SLC8A1: variants seen among roughly 807,000 people sequenced by gnomAD.
SLC8A1 encodes sodium/calcium exchanger 1.
SLC8A1 carries 18 observed loss-of-function variants against 68.3 expected under a neutral mutation model. That is an observed-to-expected ratio of 0.26 (90% CI 0.18 to 0.39). The LOEUF (loss-of-function observed/expected upper bound fraction) is 0.39, where lower values mean the gene tolerates loss of function less well. SLC8A1 is among the 10% of genes least tolerant of loss of function. SLC8A1 has a pLI of 1.00. For missense variants in SLC8A1, 985 were observed against 1,156.7 expected (o/e 0.85, Z 2.15); for synonymous variants, 475 against 415.5 (o/e 1.14, Z -1.74).
At chr2:40,313,867 T>C (rs2074076201) in intron 2 of SLC8A1, among the ~76,000 whole-genome samples, 1 of 152,120 alleles carries the variant, frequency 6.6e-6, no homozygotes, top group Non-Finnish European at 1.5e-5. Flanking sequence ...ATTTGACCAA[T>C]TTTTTGCTGT....
At chr2:40,339,720 A>C (rs1667097721) in intron 2 of SLC8A1, among the ~76,000 whole-genome samples, 1 of 152,198 alleles carries the variant, frequency 6.6e-6, no homozygotes, top group African/African-American at 2.4e-5. Flanking sequence ...TTACTGATGA[A>C]TTGAGGTAAG....
chr2:40,287,582 A>ATGTGTGTGTGTGTG (rs10522914), intron 2 of SLC8A1, among the ~76,000 whole-genome samples: 1,982 of 127,490 alleles, frequency 0.016, 93 homozygotes, highest in African/African-American at 0.045. Context: ...CAGAGGAATG[A>ATGTGTGTGTGTGTG]TGTGTGTGTG....
At chr2:40,115,654 A>G (rs562162811) in intron 7 of SLC8A1, 25 bp from the exon 11 acceptor site, 3 of 1,588,738 alleles carry the variant, frequency 1.9e-6, no homozygotes, top group East Asian at 2.2e-5. Flanking sequence ...GAGAAAGTCA[A>G]TGACACTCAA....
At chr2:40,223,305 G>A (rs1185807093) in intron 2 of SLC8A1, among the ~76,000 whole-genome samples, 1 of 152,120 alleles carries the variant, frequency 6.6e-6, no homozygotes. Flanking sequence ...TCATAAGTGG[G>A]AGTTGAACAA....
At chr2:40,188,585 T>C (rs410031) in intron 2 of SLC8A1, among the ~76,000 whole-genome samples, 38,804 of 152,146 alleles carry the variant, frequency 0.26, 5,212 homozygotes, top group African/African-American at 0.31. Flanking sequence ...TCTTTCTTCC[T>C]ATGTTACGTT....
chr2:40,174,808 A>C lies in SLC8A1; in HGVS notation c.1930+17T>G. 1 of 1,609,142 alleles carries C rather than the reference A, an allele frequency of 6.2e-7. No individual in the cohort carries two copies. Among genetic ancestry groups the C allele is most frequent in the Non-Finnish European group, 8.5e-7 (1 of 1,175,928 alleles). ...GACAGTAAAAGTTAGATAGCATTAG[A>C]CTTGAAAAATTCATACCTGTTATTG... is the stretch of plus-strand genomic sequence containing the variant. On this transcript the variant is annotated intron_variant, in intron 4 of 7. Coordinates refer to ENST00000406785, the Ensembl canonical transcript of SLC8A1.
chr2:40,186,083 G>T (rs1353685248), intron 2 of SLC8A1, among the ~76,000 whole-genome samples: 1 of 152,128 alleles, frequency 6.6e-6, no homozygotes, highest in African/African-American at 2.4e-5. Context: ...GTTACCTCAG[G>T]CTGGCTTCCT....
chr2:40,459,142 G>GA (rs904015389), intron 1 of SLC8A1, among the ~76,000 whole-genome samples: 3 of 152,108 alleles, frequency 2.0e-5, no homozygotes, highest in Admixed American at 2.0e-4. Flanking sequence ...ACATTCTAGT[G>GA]AAAAAATGAC....
intron 2 of SLC8A1, among the ~76,000 whole-genome samples, chr2:40,423,991 T>G (rs1044574104): frequency 6.6e-6 from 1 of 151,946 alleles, no homozygotes; most frequent in African/African-American, 2.4e-5. Flanking sequence ...CCATACAAAT[T>G]TCTTACATTA....
intron 1 of SLC8A1, among the ~76,000 whole-genome samples, 167 bp downstream of exon 1, chr2:40,451,737 T>TCACACACACACA (rs756970142): frequency 0.017 from 2,277 of 133,686 alleles, 39 homozygotes; most frequent in Admixed American, 0.038. Context: ...ACACACCACA[T>TCACACACACACA]CACACACACA....
chr2:40,356,459 A>G (rs890363229), intron 2 of SLC8A1, among the ~76,000 whole-genome samples: 17 of 152,204 alleles, frequency 1.1e-4, no homozygotes, highest in Admixed American at 1.1e-3. Flanking sequence ...AATCGCGTGA[A>G]TACTTCCAAA....
intron 2 of SLC8A1, among the ~76,000 whole-genome samples, chr2:40,285,107 A>T (rs575967192): frequency 5.8e-4 from 89 of 152,260 alleles, no homozygotes; most frequent in South Asian, 1.2e-3. Context: ...TTCAAGAGAC[A>T]TTTATTAAGC....
chr2:40,342,363 T>C (rs1345501150), intron 2 of SLC8A1, among the ~76,000 whole-genome samples: 1 of 152,182 alleles, frequency 6.6e-6, no homozygotes, highest in African/African-American at 2.4e-5. Context: ...TCATTTGATG[T>C]AGGCAAATCA....
intron 6 of SLC8A1, 91 bp from the exon 10 acceptor site, chr2:40,139,767 C>G (rs2041211370): frequency 7.3e-7 from 1 of 1,366,980 alleles, no homozygotes; most frequent in Non-Finnish European, 1.0e-6. Flanking sequence ...TCGGTCATCC[C>G]TCCACTCTGT....
chr2:40,148,665 A>G (rs1469270278), intron 6 of SLC8A1, among the ~76,000 whole-genome samples: 1 of 152,172 alleles, frequency 6.6e-6, no homozygotes, highest in African/African-American at 2.4e-5. Context: ...GCTCTTGGCC[A>G]CCTCACAGAT....
intron 7 of SLC8A1, chr2:40,118,544 T>C (rs1370810332): frequency 6.6e-6 from 1 of 151,474 alleles, no homozygotes. Context: ...TAATGGTTTC[T>C]TGTACTTCAT....
intron 1 of SLC8A1, among the ~76,000 whole-genome samples, chr2:40,457,142 A>G (rs980304912): frequency 3.3e-5 from 5 of 152,226 alleles, no homozygotes; most frequent in Non-Finnish European, 7.3e-5. Flanking sequence ...TGATTGTCAC[A>G]TTACATTAAT....
chr2:40,280,759 G>C (rs977610301), intron 2 of SLC8A1, among the ~76,000 whole-genome samples: 2 of 152,112 alleles, frequency 1.3e-5, no homozygotes, highest in African/African-American at 4.8e-5. Flanking sequence ...TTCAAGAAAG[G>C]CTCCTAAGAA....
rs184836585 is a variant in SLC8A1 at position 40,358,591 on chromosome 2, A to G, written c.1808+69882T>C. The stretch of plus-strand genomic sequence containing the variant: ...TTTTGTGGAGCTGAACTGAGGATCA[A>G]TTAAATTAATGCATGCATAACCATT... On this transcript the variant is annotated intron_variant, in intron 2 of 7. Coordinates refer to ENST00000406785, the Ensembl canonical transcript of SLC8A1. 2.1e-4 allele frequency among the ~76,000 whole-genome samples: 32 copies of G among 152,328 alleles called. No homozygotes were observed. In the East Asian group the frequency reaches 5.6e-3, roughly 27 times the overall value.
Sources: gnomAD v4.1 joint callset for allele counts (sites outside exome capture counted in the v4.1 genomes callset) on GRCh38, gnomAD v4.1.1 for gene constraint, MANE v1.5 for transcripts, NCBI Gene and HGNC (gene_info 2026-07-23, HGNC 2026-07-21) for gene names.